TG: variants seen among roughly 807,000 people sequenced by gnomAD.
The protein encoded by TG is thyroid hormones.
A neutral mutation model predicts 324.7 loss-of-function variants in TG; 270 were observed. The observed-to-expected ratio is 0.83, with a 90% confidence interval of 0.75 to 0.92. The LOEUF (loss-of-function observed/expected upper bound fraction) is 0.92, where lower values mean the gene tolerates loss of function less well. Ranked by LOEUF, TG falls within the 40% of genes least tolerant of loss-of-function variation. The probability of loss-of-function intolerance (pLI) is 0.00; values close to 1 mark genes in which losing one functional copy is unlikely to be tolerated. For missense variants in TG, 3,591 were observed against 3,456.4 expected (o/e 1.04, Z -0.98); for synonymous variants, 1,401 against 1,327.0 (o/e 1.06, Z -1.21).
rs748747000 is a variant in TG, at chr8:133,039,956, CACACACACACACACACACACACAT to C, written c.7239+9942_7239+9965del. 3 of 1,369,354 alleles carry C rather than the reference CACACACACACACACACACACACAT, an allele frequency of 2.2e-6. 1 individual carries two copies. The South Asian group carries it at 3.9e-5, about 18-fold the overall frequency. The allele number at this position is 1,369,354 out of a possible 1,614,324, so 84.8% of individuals were successfully genotyped here. ...CATGTTCACAGAGCACTTGCATGCA[CACACACACACACACACACACACAT>C]ACACACACCATACTCACCTGGACAC... is the stretch of plus-strand genomic sequence containing the variant. On this transcript the variant is annotated intron_variant, in intron 41 of 47. Transcript: ENST00000220616.
chr8:133,101,723 T>C (rs1307342659), intron 43 of TG, among the ~76,000 whole-genome samples: 2 of 152,204 alleles, frequency 1.3e-5, no homozygotes, highest in Non-Finnish European at 2.9e-5. Flanking sequence ...AGTCAGATGA[T>C]AACAGACAAG....
intron 43 of TG, chr8:133,102,649 G>T: frequency 2.3e-6 from 3 of 1,288,518 alleles, no homozygotes; most frequent in East Asian, 2.5e-5. Flanking sequence ...TTCATCAGTC[G>T]CTGTCATGGG....
At chr8:132,880,614 T>C (rs1814520327) in intron 5 of TG, among the ~76,000 whole-genome samples, 1 of 152,222 alleles carries the variant, frequency 6.6e-6, no homozygotes, top group African/African-American at 2.4e-5. Context: ...AGTGCATTTC[T>C]AGCTTTTGTT....
At chr8:133,075,170 T>C (rs1235908417) in intron 41 of TG, 28 of 962,536 alleles carry the variant, frequency 2.9e-5, no homozygotes, top group Non-Finnish European at 3.3e-5. Context: ...TTACAAAGCA[T>C]TTGAGAATAT....
chr8:133,004,582 A>G (rs1450933674), intron 35 of TG, among the ~76,000 whole-genome samples: 1 of 152,226 alleles, frequency 6.6e-6, no homozygotes, highest in Non-Finnish European at 1.5e-5. Flanking sequence ...GCGAGTTAAC[A>G]TAAGTAACTG....
intron 35 of TG, chr8:132,994,715 G>C: frequency 7.8e-7 from 1 of 1,288,552 alleles, no homozygotes; most frequent in Non-Finnish European, 1.0e-6. Flanking sequence ...CTTCTCCCCA[G>C]TGTTTAAAGT....
At chr8:132,886,377 A>G in intron 8 of TG, 71 bp from the exon 9 acceptor site, 1 of 1,600,226 alleles carries the variant, frequency 6.2e-7, no homozygotes, top group Non-Finnish European at 8.5e-7. Flanking sequence ...TACCTAAAGG[A>G]TCTGAGGAGC....
chr8:133,118,705 T>A (rs1850907594), intron 45 of TG, among the ~76,000 whole-genome samples: 1 of 152,164 alleles, frequency 6.6e-6, no homozygotes, highest in South Asian at 2.1e-4. Context: ...ACCTCTGTTT[T>A]ACAGAGGAAG....
chr8:133,103,803 C>T (rs1055885866), intron 43 of TG, among the ~76,000 whole-genome samples: 3 of 152,180 alleles, frequency 2.0e-5, no homozygotes, highest in Non-Finnish European at 4.4e-5. Flanking sequence ...TATTCAGAGG[C>T]TTCTGTGCGC....
chr8:133,031,429 G>A (rs1046519035), intron 41 of TG, among the ~76,000 whole-genome samples: 1 of 152,158 alleles, frequency 6.6e-6, no homozygotes, highest in Non-Finnish European at 1.5e-5. Flanking sequence ...GAACATGGGT[G>A]TTCAGAAGGC....
At position 133,122,433 on chromosome 8, in the gene TG, C is replaced by T. The variant is rs117434089; in HGVS notation, c.7862+5717C>T. Among the ~76,000 whole-genome samples, 17 of 152,258 alleles carry T rather than the reference C, an allele frequency of 1.1e-4. No homozygotes were observed. The East Asian group carries it at 2.9e-3, about 26-fold the overall frequency. On this transcript the variant is annotated intron_variant, in intron 45 of 47. Transcript: ENST00000220616. ...CCCAGGGATGTGAGCAGATTACTTC[C>T]CCGTCCCTGAGCCAGTGAGTAGCAG...
chr8:132,967,298 G>A (rs1564015317), intron 30 of TG, among the ~76,000 whole-genome samples: 1 of 152,108 alleles, frequency 6.6e-6, no homozygotes, highest in Non-Finnish European at 1.5e-5. Context: ...TATGTTCAAA[G>A]CTTTGTGTTT....
At chr8:132,995,478 C>G in intron 35 of TG, 1 of 985,340 alleles carries the variant, frequency 1.0e-6, no homozygotes, top group Non-Finnish European at 1.2e-6. Flanking sequence ...TTCAGCACCC[C>G]AAAGGAGGCC....
intron 46 of TG, 115 bp from the exon 47 acceptor site, chr8:133,133,355 A>G (rs1364955917): frequency 2.8e-6 from 3 of 1,076,794 alleles, no homozygotes; most frequent in Non-Finnish European, 4.3e-6. Context: ...CAGCCTTGAC[A>G]CCTACAGATA....
intron 33 of TG, 22 bp from the exon 34 acceptor site, chr8:132,972,576 G>GT (rs34669143): frequency 0.014 from 19,612 of 1,386,466 alleles, 13 homozygotes; most frequent in East Asian, 0.041. Context: ...GTGGTTTTTT[G>GT]TTTTTTTTTT....
intron 4 of TG, 135 bp downstream of exon 4, chr8:132,871,686 C>A: frequency 2.5e-6 from 2 of 801,836 alleles, no homozygotes; most frequent in Non-Finnish European, 2.0e-6. Context: ...ATGAAAGCTT[C>A]AAAGGGAAGG....
chr8:132,912,140 A>G (rs996311673), intron 19 of TG, among the ~76,000 whole-genome samples: 9 of 152,162 alleles, frequency 5.9e-5, no homozygotes, highest in Admixed American at 2.0e-4. Flanking sequence ...CCTCTGTTCT[A>G]TGAGGAAGAA....
intron 34 of TG, among the ~76,000 whole-genome samples, chr8:132,982,468 T>C (rs1406035643): frequency 6.6e-6 from 1 of 152,228 alleles, no homozygotes; most frequent in East Asian, 1.9e-4. Flanking sequence ...GTATGAATGG[T>C]TCTTCATTTA....
chr8:133,081,591 A>G (rs190338339), intron 41 of TG, among the ~76,000 whole-genome samples: 15 of 152,030 alleles, frequency 9.9e-5, no homozygotes, highest in East Asian at 1.9e-4. Context: ...AGAAGAAGAA[A>G]AAAAAAGTAG....
Sources: allele counts gnomAD v4.1 joint callset (sites outside exome capture counted in the v4.1 genomes callset), GRCh38; gene constraint gnomAD v4.1.1; transcripts MANE v1.5; gene names NCBI Gene and HGNC (gene_info 2026-07-23, HGNC 2026-07-21).